Variants in LYPD5 observed in about 807,000 individuals in gnomAD.
LYPD5 encodes the protein LY6/PLAUR domain containing 5, also known as ly6/PLAUR domain-containing protein 5.
LYPD5 carries 21 observed loss-of-function variants against 19.1 expected under a neutral mutation model. The observed-to-expected ratio is 1.10, with a 90% CI of 0.78 to 1.58. The LOEUF (loss-of-function observed/expected upper bound fraction) is 1.58, where lower values mean the gene tolerates loss of function less well. Ranked by LOEUF, LYPD5 falls within the 40% of genes most tolerant of loss-of-function variation. The pLI, the probability that LYPD5 is intolerant of heterozygous loss-of-function variation, is 0.00. For synonymous variants in LYPD5, 128 were observed against 142.7 expected (o/e 0.90, Z 0.74); for missense variants, 287 against 329.8 (o/e 0.87, Z 1.00).
intron 2 of LYPD5, 117 bp from the exon 3 acceptor site, chr19:43,799,105 C>T (rs997615775): frequency 8.7e-7 from 1 of 1,148,234 alleles, no homozygotes; most frequent in Non-Finnish European, 1.2e-6. Context: ...CCCCTCCCTC[C>T]TTCCCTCCTT....
upstream of LYPD5, among the ~76,000 whole-genome samples, chr19:43,807,279 TTCTTTTTC>T (rs1203630640): frequency 1.0e-4 from 15 of 147,864 alleles, no homozygotes; most frequent in African/African-American, 3.3e-4. Context: ...TTCTTTTCTT[TTCTTTTTC>T]TTTTTTTTTT....
intron 1 of LYPD5, among the ~76,000 whole-genome samples, chr19:43,816,064 AT>A (rs1970372459): frequency 6.7e-6 from 1 of 148,806 alleles, no homozygotes; most frequent in South Asian, 2.1e-4. Flanking sequence ...CTATCTATCT[AT>A]CTATCTATCT....
chr19:43,811,869 A>C (rs182212107), intron 1 of LYPD5, among the ~76,000 whole-genome samples: 84 of 152,238 alleles, frequency 5.5e-4, no homozygotes, highest in African/African-American at 2.0e-3. Flanking sequence ...CTTCTGTGTC[A>C]GCCTCTGGTG....
At position 43,797,063 on chromosome 19, in the gene LYPD5, C is replaced by A. The variant is rs896499364; in HGVS notation, c.*528G>T. On this transcript the variant is annotated 3_prime_UTR_variant, in exon 5 of 5. Transcript: ENST00000377950. ...CTGAATGCTGGAGCTGGGATTTGAA[C>A]CCATGCAGCTTAGCTCCAGAGCCTG... 1 of 152,016 alleles carries A rather than the reference C, an allele frequency of 6.6e-6. No homozygotes were observed. The highest frequency in any genetic ancestry group is 1.5e-5 in the Non-Finnish European group (1 of 68,356). The allele number at this position is 152,016 out of a possible 1,614,324, so 9.4% of individuals were successfully genotyped here.
At chr19:43,799,430 A>G (rs1037515986) in intron 2 of LYPD5, among the ~76,000 whole-genome samples, 1 of 152,094 alleles carries the variant, frequency 6.6e-6, no homozygotes, top group Non-Finnish European at 1.5e-5. Context: ...TATTTAGTAG[A>G]GACGGGGTTT....
intron 1 of LYPD5, among the ~76,000 whole-genome samples, chr19:43,800,752 G>A (rs1970212394): frequency 1.3e-5 from 2 of 152,008 alleles, no homozygotes; most frequent in Non-Finnish European, 2.9e-5. Flanking sequence ...ACCTGAACTC[G>A]GGAGTTAGAG....
upstream of LYPD5, among the ~76,000 whole-genome samples, chr19:43,805,593 C>T (rs1026476689): frequency 2.0e-5 from 3 of 152,142 alleles, no homozygotes; most frequent in Non-Finnish European, 2.9e-5. Context: ...CTGGAACCTC[C>T]GCCTCCCAGG....
intron 1 of LYPD5, among the ~76,000 whole-genome samples, chr19:43,811,506 C>T (rs1000487397): frequency 2.0e-5 from 3 of 152,044 alleles, no homozygotes; most frequent in East Asian, 1.9e-4. Context: ...GCCAACAGGG[C>T]GAAACTCTGT....
chr19:43,798,838 T>C lies in LYPD5; in HGVS notation c.344A>G (p.His115Arg). The C allele has an allele frequency of 3.1e-6, 5 of 1,610,908 alleles. No homozygotes were observed. The highest frequency in any genetic ancestry group is 4.2e-6 in the Non-Finnish European group (5 of 1,178,744). The part of the protein sequence containing the change: ...TDKCNAHLMT[H>R]DALPNLSQAP... The stretch of plus-strand genomic sequence containing the variant: ...TTGGCTCAGGTTGGGGAGGGCGTCA[T>C]GAGTCATGAGGTGGGCGTTGCATTT... The change falls in exon 3 of 5, where the codon CAT becomes CGT. Residue 115 changes from histidine to arginine, a missense_variant. Physicochemically the swap from His to Arg is conservative, Grantham distance 29. Coordinates refer to ENST00000377950, the MANE Select transcript of LYPD5 (RefSeq NM_001031749.3).
At chr19:43,810,380 A>G (rs1970309959) in intron 1 of LYPD5, among the ~76,000 whole-genome samples, 1 of 151,898 alleles carries the variant, frequency 6.6e-6, no homozygotes, top group African/African-American at 2.4e-5. Flanking sequence ...TCTGTTACCC[A>G]GGCTGGAGTG....
chr19:43,806,007 C>A (rs1970267638), upstream of LYPD5, among the ~76,000 whole-genome samples: 1 of 152,204 alleles, frequency 6.6e-6, no homozygotes, highest in Non-Finnish European at 1.5e-5. Flanking sequence ...CTCCTCCCCA[C>A]ACCCCCTGGC....
upstream of LYPD5, among the ~76,000 whole-genome samples, chr19:43,803,599 A>G (rs1374838917): frequency 7.2e-6 from 1 of 138,198 alleles, no homozygotes; most frequent in Non-Finnish European, 1.7e-5. Context: ...TAAACTTTAG[A>G]CAGGTTTCTT....
intron 4 of LYPD5, among the ~76,000 whole-genome samples, chr19:43,798,145 C>T (rs961245205): frequency 6.9e-6 from 1 of 144,042 alleles, no homozygotes; most frequent in Non-Finnish European, 1.5e-5. Flanking sequence ...AGGCTTCTCC[C>T]TCAGACCAGG....
intron 1 of LYPD5, among the ~76,000 whole-genome samples, chr19:43,815,466 C>T (rs1355798805): frequency 3.3e-5 from 5 of 151,770 alleles, no homozygotes; most frequent in African/African-American, 7.3e-5. Context: ...CCCAGTTACT[C>T]GGGAGGCTGA....
At chr19:43,810,567 TCC>T (rs1970313487) in intron 1 of LYPD5, among the ~76,000 whole-genome samples, 1 of 74,310 alleles carries the variant, frequency 1.3e-5, no homozygotes, top group Non-Finnish European at 2.6e-5. Context: ...TCCCCTCCCC[TCC>T]CCTCCCCTCC....
At chr19:43,806,092 C>T (rs1760589523), upstream of LYPD5, among the ~76,000 whole-genome samples, 1 of 152,290 alleles carries the variant, frequency 6.6e-6, no homozygotes, top group Non-Finnish European at 1.5e-5. Context: ...GGCCTGGTAC[C>T]AGTACCTGTT....
rs1258121808 is a variant in LYPD5 at position 43,796,439 on chromosome 19, G to A, written c.*1152C>T. 6.6e-6 allele frequency: 1 copy of A among 152,416 alleles called. No homozygotes were observed. The highest frequency in any genetic ancestry group is 6.6e-5 in the Admixed American group (1 of 15,258). The allele number at this position is 152,416 out of a possible 1,614,324, so 9.4% of individuals were successfully genotyped here. On this transcript the variant is annotated 3_prime_UTR_variant, in exon 5 of 5. Coordinates refer to ENST00000377950, the MANE Select transcript of LYPD5 (RefSeq NM_001031749.3). ...ACTCCTTGTGCTCCTTCCTCCCTCA[G>A]ACCTTTGTCCAGGCTGTCTCCTCTA...
In LYPD5 at chr19:43,812,689, A is replaced by T. The variant is rs142966256; in HGVS notation, c.-66+7851T>A. ...ACAAGGCCAACTAATTAAAATATTT[A>T]AAAACATTCATTTTTACCCACAAGG... On this transcript the variant is annotated intron_variant, in intron 1 of 4. Transcript: ENST00000414615. 4.9e-3 allele frequency among the ~76,000 whole-genome samples: 744 copies of T among 152,374 alleles called. 6 individuals are homozygous for T. The highest frequency in any genetic ancestry group is 0.017 in the African/African-American group (725 of 41,590).
chr19:43,819,283 C>CTTTTTTT (rs560659624), intron 1 of LYPD5, among the ~76,000 whole-genome samples: 101 of 110,458 alleles, frequency 9.1e-4, no homozygotes, highest in South Asian at 2.5e-3. Context: ...TCTTCTTCTT[C>CTTTTTTT]TTTTTTTTTT....
Sources: allele counts gnomAD v4.1 joint callset (sites outside exome capture counted in the v4.1 genomes callset), GRCh38; gene constraint gnomAD v4.1.1; transcripts MANE v1.5; gene names NCBI Gene and HGNC (gene_info 2026-07-23, HGNC 2026-07-21).